Variants in ADCY2 observed in about 807,000 individuals in gnomAD.
ADCY2 encodes adenylate cyclase type 2.
In ADCY2, 31 loss-of-function variants were observed where a neutral mutation model predicts 125.2. The ratio of observed to expected loss-of-function variants is 0.25; its 90% CI spans 0.19 to 0.33. The LOEUF (loss-of-function observed/expected upper bound fraction) is 0.33, where lower values mean the gene tolerates loss of function less well. ADCY2 is among the 10% of genes least tolerant of loss of function. ADCY2 has a pLI of 1.00. For missense variants in ADCY2, 904 were observed against 1,418.2 expected, an observed-to-expected ratio of 0.64 and a Z score of 5.82; for synonymous variants, 512 against 548.4, an observed-to-expected ratio of 0.93 and a Z score of 0.93.
intron 18 of ADCY2, among the ~76,000 whole-genome samples, chr5:7,777,167 G>A (rs1407299673): frequency 6.6e-6 from 1 of 152,072 alleles, no homozygotes; most frequent in Non-Finnish European, 1.5e-5. Flanking sequence ...TGAGGACCAA[G>A]CAGCTCCTCT....
chr5:7,724,552 C>A lies in ADCY2; in HGVS notation c.1711C>A (p.Leu571Ile). 6.2e-7 allele frequency: 1 copy of A among 1,608,702 alleles called. No individual in the cohort carries two copies. The highest frequency in any genetic ancestry group is 8.5e-7 in the Non-Finnish European group (1 of 1,178,302). ...GGCCCTTTCTATTTCCAGGCAATGG[C>A]TCAAGTCTGAAGACATTCAGAGAAT... Reference protein sequence around the residue: ...IDGINAQKQWLKSEDIQRISL... With the variant: ...IDGINAQKQWIKSEDIQRISL... Residue 571 changes from leucine to isoleucine, a missense_variant, in exon 13 of 25, where the codon CTC becomes ATC. Leu to Ile is a conservative substitution (Grantham distance 5, BLOSUM62 2). This residue lies in a region of ADCY2 where 144 missense variants were observed against 227.7 expected (regional missense o/e 0.63). Coordinates refer to ENST00000338316, the MANE Select transcript of ADCY2 (RefSeq NM_020546.3).
rs868226272 is a variant in ADCY2 at position 7,636,211 on chromosome 5, C to T, written c.720+9895C>T. ...GTTTACAGATCTGGAGAAGAGAGGG[C>T]GCAGCACCATTTGCAGGGCCAGCAA... On this transcript the variant is annotated intron_variant, in intron 4 of 24. Transcript: ENST00000338316. 7.9e-5 allele frequency among the ~76,000 whole-genome samples: 12 copies of T among 152,330 alleles called. No homozygotes were observed. In the Middle Eastern group the frequency reaches 0.01, roughly 130 times the overall value.
intron 3 of ADCY2, among the ~76,000 whole-genome samples, chr5:7,556,407 G>C (rs562649428): frequency 1.1e-4 from 16 of 152,170 alleles, no homozygotes; most frequent in Non-Finnish European, 2.4e-4. Context: ...CAGTAAATTT[G>C]TGAATAAATT....
At chr5:7,575,582 GA>G (rs1211743933) in intron 3 of ADCY2, among the ~76,000 whole-genome samples, 1 of 151,566 alleles carries the variant, frequency 6.6e-6, no homozygotes, top group African/African-American at 2.4e-5. Flanking sequence ...TAAATATTCT[GA>G]AGATTTAGGA....
chr5:7,490,265 T>C (rs12658764), intron 2 of ADCY2, among the ~76,000 whole-genome samples: 3 of 152,300 alleles, frequency 2.0e-5, no homozygotes, highest in East Asian at 1.9e-4. Flanking sequence ...AATACCATGG[T>C]TTATATCTTT....
chr5:7,513,035 A>T (rs984238338), intron 2 of ADCY2, among the ~76,000 whole-genome samples: 20 of 144,734 alleles, frequency 1.4e-4, no homozygotes, highest in Admixed American at 9.0e-4. Context: ...CAGAGCTGGG[A>T]TGTGATGGAA....
chr5:7,462,374 G>A (rs1285210740), intron 2 of ADCY2, among the ~76,000 whole-genome samples: 1 of 152,184 alleles, frequency 6.6e-6, no homozygotes, highest in Non-Finnish European at 1.5e-5. Flanking sequence ...GCCACTGATT[G>A]ATAATAACTA....
intron 2 of ADCY2, among the ~76,000 whole-genome samples, chr5:7,463,968 C>A (rs546306076): frequency 2.0e-5 from 3 of 152,172 alleles, no homozygotes; most frequent in South Asian, 4.2e-4. Context: ...TTATGTAACA[C>A]CCAAGTAAGT....
chr5:7,690,518 C>G (rs1282417622), intron 4 of ADCY2, 173 bp from the exon 5 acceptor site: 8 of 456,964 alleles, frequency 1.8e-5, no homozygotes, highest in African/African-American at 4.0e-5. Context: ...TACAGTCCGA[C>G]CTTAGAAAAT....
At chr5:7,566,663 G>A (rs1735902918) in intron 3 of ADCY2, among the ~76,000 whole-genome samples, 2 of 152,142 alleles carry the variant, frequency 1.3e-5, no homozygotes, top group African/African-American at 4.8e-5. Flanking sequence ...GTCATGAGAT[G>A]GCATGGGATA....
At chr5:7,465,474 C>T (rs547293656) in intron 2 of ADCY2, among the ~76,000 whole-genome samples, 3 of 152,278 alleles carry the variant, frequency 2.0e-5, no homozygotes, top group Non-Finnish European at 4.4e-5. Context: ...CACAAGCCTC[C>T]GTCTAATTCT....
chr5:7,397,093 G>A (rs75837295), intron 1 of ADCY2, among the ~76,000 whole-genome samples: 2,085 of 152,350 alleles, frequency 0.014, 51 homozygotes, highest in African/African-American at 0.048. Flanking sequence ...GGAAAGTGAT[G>A]TGGTGTTGAC....
rs11332766 is a variant in ADCY2 at position 7,776,193 on chromosome 5, T to TAA, written c.2384+3114_2384+3115dup. 6.7e-3 allele frequency among the ~76,000 whole-genome samples: 610 copies of TAA among 91,400 alleles called. 7 individuals carry two copies. Among genetic ancestry groups the TAA allele is most frequent in the African/African-American group, 0.016 (380 of 23,374 alleles). The allele number at this position is 91,400 out of a possible 152,430, so 60.0% of individuals were successfully genotyped here. On this transcript the variant is annotated intron_variant, in intron 18 of 24. Transcript: ENST00000338316. ...CTTCCCAATATGAAAGTGAGATCCT[T>TAA]AAAAAAAAAAAAAAAAAAAAAAAGC...
At chr5:7,505,834 T>G (rs1261154399) in intron 2 of ADCY2, among the ~76,000 whole-genome samples, 2 of 152,250 alleles carry the variant, frequency 1.3e-5, no homozygotes, top group Non-Finnish European at 2.9e-5. Flanking sequence ...TTTCCCTGCA[T>G]GAGCTTTTCT....
chr5:7,720,471 A>G (rs931319838), intron 12 of ADCY2, among the ~76,000 whole-genome samples: 4 of 152,140 alleles, frequency 2.6e-5, no homozygotes, highest in African/African-American at 4.8e-5. Context: ...ATGTGTATAC[A>G]TGTGCCATGT....
chr5:7,463,035 T>C (rs749506686), intron 2 of ADCY2, among the ~76,000 whole-genome samples: 6 of 152,202 alleles, frequency 3.9e-5, no homozygotes, highest in Non-Finnish European at 8.8e-5. Flanking sequence ...GTTTGGGCTG[T>C]CCATGAACTT....
At chr5:7,526,680 T>G (rs1449632551) in intron 3 of ADCY2, among the ~76,000 whole-genome samples, 1 of 152,128 alleles carries the variant, frequency 6.6e-6, no homozygotes, top group African/African-American at 2.4e-5. Flanking sequence ...CAATTATTAG[T>G]GAAAGAGGAA....
intron 20 of ADCY2, chr5:7,800,378 C>T (rs898214601): frequency 6.6e-6 from 1 of 152,358 alleles, no homozygotes; most frequent in African/African-American, 2.4e-5. Context: ...GAAAATATGT[C>T]CTTGGCTGGG....
At position 7,539,276 on chromosome 5, in the gene ADCY2, A is replaced by C. The variant is rs115331159; in HGVS notation, c.570+18377A>C. Among the ~76,000 whole-genome samples the C allele has an allele frequency of 1.9e-3, 296 of 152,186 alleles. 1 individual carries two copies. Among genetic ancestry groups the C allele is most frequent in the African/African-American group, 6.6e-3 (276 of 41,538 alleles). On this transcript the variant is annotated intron_variant, in intron 3 of 24. Transcript: ENST00000338316. ...TTACATTGATGTCAATTGCAAGTTC[A>C]TTGAGCTATCCAGCAGACATATTTT...
Sources: allele counts gnomAD v4.1 joint callset (sites outside exome capture counted in the v4.1 genomes callset), GRCh38; gene constraint gnomAD v4.1.1; regional missense constraint gnomAD v4.1.1; transcripts MANE v1.5; gene names NCBI Gene and HGNC (gene_info 2026-07-23, HGNC 2026-07-21).